The following PDZRN3 variants were observed in gnomAD, a reference collection of about 807,000 sequenced individuals.
PDZRN3 encodes PDZ domain containing ring finger 3.
In PDZRN3, 38 loss-of-function variants were observed where a neutral mutation model predicts 85.7. That is an observed-to-expected ratio of 0.44 (90% CI 0.34 to 0.58). The LOEUF (loss-of-function observed/expected upper bound fraction) is 0.58, where lower values mean the gene tolerates loss of function less well. PDZRN3 is among the 20% of genes least tolerant of loss of function. PDZRN3 has a pLI of 0.01. For missense variants in PDZRN3, 1,629 were observed against 1,506.4 expected (o/e 1.08, Z -1.35); for synonymous variants, 759 against 638.0 (o/e 1.19, Z -2.86).
At chr3:73,531,660 C>T (rs954710265) in intron 3 of PDZRN3, among the ~76,000 whole-genome samples, 1 of 152,204 alleles carries the variant, frequency 6.6e-6, no homozygotes, top group African/African-American at 2.4e-5. Context: ...AAGGGACTGC[C>T]TTCCTGGTCC....
chr3:73,624,684 G>C lies in PDZRN3; in HGVS notation c.142C>G (p.Gln48Glu). Residue 48 changes from glutamine to glutamate, a missense_variant, in exon 1 of 10, where the codon CAG becomes GAG. By Grantham distance (29) the Gln-to-Glu change is conservative (BLOSUM62 2). Transcript: ENST00000263666. ...CAGCVLPWVV[Q>E]EGSCPARCRG... is the part of the protein sequence containing the mutation. Reference sequence around the variant, plus strand: ...CAGCGCGCCGGGCAGCTGCCCTCCTGCACCACCCAGGGCAGCACGCAGCCG... The same window carrying C: ...CAGCGCGCCGGGCAGCTGCCCTCCTCCACCACCCAGGGCAGCACGCAGCCG... 4 of 1,528,850 alleles carry C rather than the reference G, an allele frequency of 2.6e-6. No individual in the cohort carries two copies. The highest frequency in any genetic ancestry group is 3.5e-6 in the Non-Finnish European group (4 of 1,143,688). 94.7% of individuals were successfully genotyped at this position (1,528,850 alleles called of 1,614,324 possible). A position where few individuals can be genotyped will look rare whatever the true frequency, so the allele number is the denominator to read the frequency against.
chr3:73,576,018 T>C (rs893001429), intron 3 of PDZRN3, among the ~76,000 whole-genome samples: 1 of 151,766 alleles, frequency 6.6e-6, no homozygotes, highest in African/African-American at 2.4e-5. Flanking sequence ...GAGAGAAAAA[T>C]CAAGCGAAGT....
chr3:73,509,724 C>T (rs564398499), intron 3 of PDZRN3, among the ~76,000 whole-genome samples: 53 of 152,346 alleles, frequency 3.5e-4, no homozygotes, highest in Non-Finnish European at 5.4e-4. Flanking sequence ...GCCTAAGCAA[C>T]TCCTAGCAGT....
At chr3:73,467,762 A>G (rs1325159479) in intron 3 of PDZRN3, among the ~76,000 whole-genome samples, 1 of 152,198 alleles carries the variant, frequency 6.6e-6, no homozygotes, top group Non-Finnish European at 1.5e-5. Context: ...ATTTATGACA[A>G]GCATTACTGA....
chr3:73,601,765 A>G (rs571081748), intron 3 of PDZRN3, among the ~76,000 whole-genome samples: 2 of 152,176 alleles, frequency 1.3e-5, no homozygotes, highest in African/African-American at 2.4e-5. Context: ...CCTGCTGTAT[A>G]AAAGTTTGAA....
chr3:73,436,283 G>T (rs1702529570), intron 3 of PDZRN3, among the ~76,000 whole-genome samples: 1 of 152,122 alleles, frequency 6.6e-6, no homozygotes, highest in Non-Finnish European at 1.5e-5. Flanking sequence ...ACAGGGACTG[G>T]GTCTGAATTT....
At chr3:73,462,259 T>C (rs1308366570) in intron 3 of PDZRN3, among the ~76,000 whole-genome samples, 2 of 152,154 alleles carry the variant, frequency 1.3e-5, no homozygotes, top group African/African-American at 4.8e-5. Context: ...CATACTTTTG[T>C]CATTAAAAGG....
intron 3 of PDZRN3, among the ~76,000 whole-genome samples, chr3:73,520,419 G>T (rs962291108): frequency 1.3e-5 from 2 of 152,106 alleles, no homozygotes; most frequent in Non-Finnish European, 2.9e-5. Flanking sequence ...CAGGAGGAAC[G>T]CTTGAGCCCG....
chr3:73,390,225 G>A (rs1701493156), intron 6 of PDZRN3, among the ~76,000 whole-genome samples: 1 of 152,128 alleles, frequency 6.6e-6, no homozygotes, highest in Admixed American at 6.5e-5. Flanking sequence ...TCATTATGTG[G>A]ACTAGCAACT....
chr3:73,564,908 A>G (rs148113338), intron 3 of PDZRN3, among the ~76,000 whole-genome samples: 342 of 152,286 alleles, frequency 2.2e-3, no homozygotes, highest in African/African-American at 8.0e-3. Flanking sequence ...TAAGTGCTCA[A>G]TAAATGTCAG....
At chr3:73,403,732 T>C (rs956616853) in intron 4 of PDZRN3, among the ~76,000 whole-genome samples, 1 of 152,180 alleles carries the variant, frequency 6.6e-6, no homozygotes, top group Non-Finnish European at 1.5e-5. Context: ...AGGCTTGAAA[T>C]GAGACCCAAG....
intron 3 of PDZRN3, among the ~76,000 whole-genome samples, chr3:73,435,931 C>A (rs574707947): frequency 8.1e-4 from 124 of 152,312 alleles, no homozygotes; most frequent in African/African-American, 2.9e-3. Context: ...CTTTGTCCAT[C>A]AATGTCTCAT....
chr3:73,573,371 GA>G (rs1437652382), intron 3 of PDZRN3, among the ~76,000 whole-genome samples: 2 of 152,222 alleles, frequency 1.3e-5, no homozygotes, highest in African/African-American at 4.8e-5. Flanking sequence ...CCTCTAAGAT[GA>G]AATCTAGCCA....
At chr3:73,456,473 C>T (rs1351254245) in intron 3 of PDZRN3, among the ~76,000 whole-genome samples, 2 of 152,076 alleles carry the variant, frequency 1.3e-5, no homozygotes, top group Non-Finnish European at 2.9e-5. Flanking sequence ...ATGTCTATTG[C>T]TACAAAGAAA....
At chr3:73,399,185 C>G (rs983391819) in intron 5 of PDZRN3, among the ~76,000 whole-genome samples, 1 of 152,188 alleles carries the variant, frequency 6.6e-6, no homozygotes, top group African/African-American at 2.4e-5. Flanking sequence ...CCAAAGACTA[C>G]AAAGTCTCTA....
At chr3:73,591,340 A>G (rs1372703594) in intron 3 of PDZRN3, among the ~76,000 whole-genome samples, 1 of 152,230 alleles carries the variant, frequency 6.6e-6, no homozygotes, top group Non-Finnish European at 1.5e-5. Context: ...ATGTCAGCAC[A>G]TATGCAATGA....
At chr3:73,389,675 G>C (rs959691439) in intron 7 of PDZRN3, 141 bp downstream of exon 7, 5 of 664,644 alleles carry the variant, frequency 7.5e-6, no homozygotes, top group Non-Finnish European at 1.4e-5. Context: ...AGTTTAACTT[G>C]TCTGGCCTCA....
chr3:73,609,191 T>C (rs532499797), intron 1 of PDZRN3, among the ~76,000 whole-genome samples: 41 of 152,068 alleles, frequency 2.7e-4, no homozygotes, highest in Non-Finnish European at 5.3e-4. Context: ...AAAAGTGAGA[T>C]GCAAACACAC....
chr3:73,433,302 T>C (rs1249964642), intron 3 of PDZRN3, among the ~76,000 whole-genome samples: 1 of 152,226 alleles, frequency 6.6e-6, no homozygotes, highest in Non-Finnish European at 1.5e-5. Context: ...TTCTCTAACT[T>C]GTTCAAAGGG....
Sources: gnomAD v4.1 joint callset for allele counts (sites outside exome capture counted in the v4.1 genomes callset) on GRCh38, gnomAD v4.1.1 for gene constraint, MANE v1.5 for transcripts, NCBI Gene and HGNC (gene_info 2026-07-23, HGNC 2026-07-21) for gene names.